Variants in ERC2 observed in about 807,000 individuals in gnomAD.
ERC2 encodes ELKS/RAB6-interacting/CAST family member 2.
A neutral mutation model predicts 114.8 loss-of-function variants in ERC2; 42 were observed. The ratio of observed to expected loss-of-function variants is 0.37; its 90% CI spans 0.29 to 0.47. The LOEUF is 0.47. Ranked by LOEUF, ERC2 falls within the 20% of genes least tolerant of loss-of-function variation. The probability of loss-of-function intolerance (pLI) is 0.99; values close to 1 mark genes in which losing one functional copy is unlikely to be tolerated. For synonymous variants in ERC2, 454 were observed against 425.5 expected, an observed-to-expected ratio of 1.07 and a Z score of -0.82; for missense variants, 939 against 1,150.7, an observed-to-expected ratio of 0.82 and a Z score of 2.66.
chr3:56,313,897 G>A (rs935900), intron 2 of ERC2, among the ~76,000 whole-genome samples: 143,544 of 152,260 alleles, frequency 0.94, 67,862 homozygotes, highest in East Asian at 1. Context: ...CAATATAAAT[G>A]ATATGACAGT....
intron 14 of ERC2, among the ~76,000 whole-genome samples, chr3:55,809,467 CAATAAT>C (rs1453736029): frequency 6.6e-6 from 1 of 152,056 alleles, no homozygotes; most frequent in Non-Finnish European, 1.5e-5. Context: ...ATGATTATCT[CAATAAT>C]AATACTATCT....
rs59441971 is a variant in ERC2, at chr3:55,569,340, C to T, written c.*40-58064G>A. Among the ~76,000 whole-genome samples, 1,362 of 152,292 alleles carry T rather than the reference C, an allele frequency of 8.9e-3. 18 individuals carry two copies. Among genetic ancestry groups the T allele is most frequent in the African/African-American group, 0.03 (1,258 of 41,562 alleles). Reference sequence around the variant, plus strand: ...AAATCTGAAGAAGGAATCTGCACTCCTTCCATTCCGATGGCATGTTTAAGT... The same window carrying T: ...AAATCTGAAGAAGGAATCTGCACTCTTTCCATTCCGATGGCATGTTTAAGT... On this transcript the variant is annotated intron_variant, in intron 17 of 17. Coordinates refer to ENST00000288221, the MANE Select transcript of ERC2 (RefSeq NM_015576.3).
intron 17 of ERC2, among the ~76,000 whole-genome samples, chr3:55,604,361 A>T (rs921839121): frequency 1.3e-5 from 2 of 152,316 alleles, no homozygotes; most frequent in Non-Finnish European, 2.9e-5. Flanking sequence ...TATATATATA[A>T]ATATCAATAA....
At chr3:55,560,514 G>C (rs2055934817) in intron 17 of ERC2, among the ~76,000 whole-genome samples, 1 of 152,086 alleles carries the variant, frequency 6.6e-6, no homozygotes, top group African/African-American at 2.4e-5. Context: ...GGAGAAGAGG[G>C]TCCCAGAGGT....
intron 15 of ERC2, among the ~76,000 whole-genome samples, chr3:55,707,005 A>C (rs1418160979): frequency 2.0e-5 from 3 of 152,218 alleles, no homozygotes; most frequent in Admixed American, 2.0e-4. Flanking sequence ...CAAGAGAGGG[A>C]AGAATGTCTT....
chr3:55,668,260 C>T (rs1037474779), intron 17 of ERC2, among the ~76,000 whole-genome samples: 4 of 152,070 alleles, frequency 2.6e-5, no homozygotes, highest in African/African-American at 7.3e-5. Flanking sequence ...AGATAGCTAG[C>T]GGTGGCCACA....
chr3:55,700,212 T>C lies in ERC2; in HGVS notation c.2713-700A>G, dbSNP rs75207662. 2.6e-5 allele frequency among the ~76,000 whole-genome samples: 4 copies of C among 152,312 alleles called. No individual in the cohort carries two copies. In the East Asian group the frequency reaches 7.7e-4, roughly 29 times the overall value. The stretch of plus-strand genomic sequence containing the variant: ...GGTTAAACCCCCAATGCAATAGAAG[T>C]GTACTGCTTTATTATGCAGGGCAAG... On this transcript the variant is annotated intron_variant, in intron 15 of 17. Transcript: ENST00000288221.
intron 4 of ERC2, among the ~76,000 whole-genome samples, chr3:56,159,289 C>T (rs1039346959): frequency 2.6e-5 from 4 of 151,958 alleles, no homozygotes; most frequent in African/African-American, 7.3e-5. Flanking sequence ...TTTGGTATTT[C>T]ATTATAGAAA....
chr3:55,978,990 G>A (rs748233720), intron 12 of ERC2, among the ~76,000 whole-genome samples: 4 of 152,288 alleles, frequency 2.6e-5, no homozygotes, highest in Middle Eastern at 3.4e-3. Flanking sequence ...TCAGCAAGGC[G>A]ATAGGACACC....
At chr3:55,810,504 C>T (rs567750455) in intron 14 of ERC2, among the ~76,000 whole-genome samples, 1 of 148,400 alleles carries the variant, frequency 6.7e-6, no homozygotes, top group South Asian at 2.2e-4. Context: ...GGTCTTGTTG[C>T]CCAGCCGAAA....
At chr3:56,056,223 G>C (rs2076006916) in intron 7 of ERC2, among the ~76,000 whole-genome samples, 1 of 152,174 alleles carries the variant, frequency 6.6e-6, no homozygotes, top group Non-Finnish European at 1.5e-5. Flanking sequence ...TGTCCCTAGA[G>C]GACATAAGGT....
rs117400103 is a variant in ERC2, at chr3:56,399,988, T to C, written c.657+34363A>G. Among the ~76,000 whole-genome samples the C allele has an allele frequency of 1.9e-4, 29 of 152,078 alleles. No individual in the cohort carries two copies. The East Asian group carries it at 5.6e-3, about 29-fold the overall frequency. Reference sequence around the variant, plus strand: ...TTAAAATATTAACCAACACAATGTGTGGTCCTTATTTGAATTCTGATTTAA... The same window carrying C: ...TTAAAATATTAACCAACACAATGTGCGGTCCTTATTTGAATTCTGATTTAA... On this transcript the variant is annotated intron_variant, in intron 2 of 17. Transcript: ENST00000288221.
intron 8 of ERC2, among the ~76,000 whole-genome samples, chr3:56,015,898 T>C (rs1440694577): frequency 1.1e-4 from 16 of 152,210 alleles, no homozygotes. Context: ...ATACCTGCCA[T>C]TCTGACTGGC....
At chr3:55,847,111 T>C (rs1309584839) in intron 14 of ERC2, among the ~76,000 whole-genome samples, 2 of 152,182 alleles carry the variant, frequency 1.3e-5, no homozygotes, top group African/African-American at 4.8e-5. Flanking sequence ...ACAAAGGATA[T>C]ATATCTTTAA....
At position 55,992,264 on chromosome 3, in the gene ERC2, T is replaced by C. The variant is rs1367619818; in HGVS notation, c.2062-14A>G. The C allele has an allele frequency of 6.2e-7, 1 of 1,605,738 alleles. No individual in the cohort carries two copies. The highest frequency in any genetic ancestry group is 1.1e-5 in the South Asian group (1 of 90,006). On this transcript the variant is annotated splice_polypyrimidine_tract_variant and intron_variant, in intron 10 of 17. Transcript: ENST00000288221. ...AATATTATGTGCCTTCAACATTACATTTTTAAAGAATGTAGTTAAGACAAC... is the reference window on the plus strand; with the variant it reads ...AATATTATGTGCCTTCAACATTACACTTTTAAAGAATGTAGTTAAGACAAC...
At chr3:55,609,651 C>T (rs908403574) in intron 17 of ERC2, among the ~76,000 whole-genome samples, 1 of 151,992 alleles carries the variant, frequency 6.6e-6, no homozygotes, top group East Asian at 1.9e-4. Flanking sequence ...TGGGTAGGCT[C>T]CATTTCGAGG....
At chr3:55,996,568 T>C (rs2071530229) in intron 10 of ERC2, among the ~76,000 whole-genome samples, 1 of 152,194 alleles carries the variant, frequency 6.6e-6, no homozygotes, top group Admixed American at 6.5e-5. Context: ...TTCAGAAATG[T>C]CTGCATCGCA....
chr3:55,747,863 C>T (rs1248662200), intron 14 of ERC2, among the ~76,000 whole-genome samples: 1 of 152,200 alleles, frequency 6.6e-6, no homozygotes, highest in East Asian at 1.9e-4. Flanking sequence ...AAAAGACAGG[C>T]CAAACAAAGA....
intron 1 of ERC2, among the ~76,000 whole-genome samples, chr3:56,441,420 C>A (rs2062301210): frequency 6.6e-6 from 1 of 152,138 alleles, no homozygotes; most frequent in South Asian, 2.1e-4. Context: ...AGCCCCACTC[C>A]AAGTTTTACA....
Sources: gnomAD v4.1 joint callset for allele counts (sites outside exome capture counted in the v4.1 genomes callset) on GRCh38, gnomAD v4.1.1 for gene constraint, MANE v1.5 for transcripts, NCBI Gene and HGNC (gene_info 2026-07-23, HGNC 2026-07-21) for gene names.